The following WDR18 variants were observed in gnomAD, a reference collection of about 807,000 sequenced individuals.
WDR18 encodes the protein WD repeat domain 18.
WDR18 carries 33 observed loss-of-function variants against 49.6 expected under a neutral mutation model. The observed-to-expected ratio is 0.67, with a 90% CI of 0.50 to 0.89. The LOEUF is 0.89. Among genes scored for constraint, WDR18 ranks in the 40% least tolerant of loss-of-function variants. WDR18 has a pLI of 0.00. For synonymous variants in WDR18, 315 were observed against 263.6 expected (o/e 1.19, Z -1.89); for missense variants, 653 against 593.6 (o/e 1.10, Z -1.04).
At chr19:987,725 G>A (rs1013471827) in intron 2 of WDR18, among the ~76,000 whole-genome samples, 2 of 151,800 alleles carry the variant, frequency 1.3e-5, no homozygotes, top group African/African-American at 2.4e-5. Flanking sequence ...ATGTGTCATC[G>A]CCCCATGGGG....
In WDR18 at chr19:985,892, C is replaced by G; in HGVS notation, c.238C>G (p.Pro80Ala). Residue 80 changes from proline to alanine, a missense_variant, in exon 2 of 10, where the codon CCC (proline) becomes GCC (alanine). Coordinates refer to ENST00000585809, the MANE Select transcript of WDR18 (RefSeq NM_024100.4). ...CCAGCTCCAGCAGAAGATCATGTGCCCCGGGCCTGTCACCTGTCTGACTGC... is the reference window on the plus strand; with the variant it reads ...CCAGCTCCAGCAGAAGATCATGTGCGCCGGGCCTGTCACCTGTCTGACTGC... ...KDQLQQKIMC[P>A]GPVTCLTASP... 1 of 1,613,950 alleles carries G rather than the reference C, an allele frequency of 6.2e-7. No homozygotes were observed. The highest frequency in any genetic ancestry group is 8.5e-7 in the Non-Finnish European group (1 of 1,179,994).
chr19:992,753 C>T (rs977438311), intron 8 of WDR18, among the ~76,000 whole-genome samples: 4 of 152,196 alleles, frequency 2.6e-5, no homozygotes, highest in Non-Finnish European at 4.4e-5. Flanking sequence ...GGGGTGGGGG[C>T]TGGGGGTTCC....
intron 8 of WDR18, among the ~76,000 whole-genome samples, chr19:992,406 G>A (rs944953900): frequency 6.6e-6 from 1 of 152,244 alleles, no homozygotes; most frequent in African/African-American, 2.4e-5. Flanking sequence ...ATATCTGACA[G>A]TCAGTTAGGT....
chr19:989,900 C>A lies in WDR18; in HGVS notation c.455+5C>A. 2 of 1,600,650 alleles carry A rather than the reference C, an allele frequency of 1.2e-6. No individual in the cohort carries two copies. The highest frequency in any genetic ancestry group is 1.7e-6 in the Non-Finnish European group (2 of 1,173,658). On this transcript the variant is annotated splice_donor_5th_base_variant and intron_variant, in intron 3 of 9. Coordinates refer to ENST00000585809, the MANE Select transcript of WDR18 (RefSeq NM_024100.4). ...GCTGGTTTGGAGCCTCTGCAGGTAG[C>A]GCCTTGCGCACTCAGGCCTGCACCT...
Position 990,994 on chromosome 19 carries a change from G to C in WDR18, c.740G>C (p.Trp247Ser), listed in dbSNP as rs747355133. 3 of 1,607,500 alleles carry C rather than the reference G, an allele frequency of 1.9e-6. No individual in the cohort carries two copies. In the South Asian group the frequency reaches 3.3e-5, roughly 18 times the overall value. Residue 247 changes from tryptophan to serine, a missense_variant and splice_region_variant, in exon 5 of 10, where the codon TGG (tryptophan) becomes TCG (serine). Coordinates refer to ENST00000585809, the MANE Select transcript of WDR18 (RefSeq NM_024100.4). ...GSIFQVDLFTWPGQRERSFHP... is the reference protein window; with the variant it reads ...GSIFQVDLFTSPGQRERSFHP... ...ATCTTCCAGGTCGACCTCTTCACCTGGGTGAGTGCCGCGGTCTGCGGGCTG... is the reference window on the plus strand; with the variant it reads ...ATCTTCCAGGTCGACCTCTTCACCTCGGTGAGTGCCGCGGTCTGCGGGCTG...
chr19:984,247 G>A (rs1180820318), upstream of WDR18: 1 of 1,195,496 alleles, frequency 8.4e-7, no homozygotes, highest in Non-Finnish European at 1.1e-6. Flanking sequence ...GCGCATGCGC[G>A]GGTCGGCCAC....
intron 2 of WDR18, among the ~76,000 whole-genome samples, 178 bp from the exon 3 acceptor site, chr19:989,584 G>T (rs1204691605): frequency 6.6e-6 from 1 of 152,144 alleles, no homozygotes; most frequent in Non-Finnish European, 1.5e-5. Context: ...GCGCGACGAG[G>T]CCCCGCTGTA....
chr19:987,780 G>A (rs2038489469), intron 2 of WDR18, among the ~76,000 whole-genome samples: 1 of 147,678 alleles, frequency 6.8e-6, no homozygotes, highest in African/African-American at 2.5e-5. Flanking sequence ...TCGGGACAGT[G>A]TGCTGGGTGG....
At chr19:991,185 C>A (rs1342993308) in intron 6 of WDR18, 40 bp downstream of exon 6, 26 of 1,461,386 alleles carry the variant, frequency 1.8e-5, no homozygotes, top group African/African-American at 2.3e-5. Context: ...CCAGGCACGT[C>A]CTGTCTGGCA....
At chr19:983,215 T>C (rs1445670985), upstream of WDR18, among the ~76,000 whole-genome samples, 2 of 152,320 alleles carry the variant, frequency 1.3e-5, no homozygotes, top group East Asian at 3.9e-4. Flanking sequence ...GGCCAAGGCC[T>C]AAGCCCAGGT....
intron 8 of WDR18, among the ~76,000 whole-genome samples, chr19:993,375 C>T (rs2038585314): frequency 6.6e-6 from 1 of 152,216 alleles, no homozygotes; most frequent in Non-Finnish European, 1.5e-5. Flanking sequence ...CCAGGCCATG[C>T]CCTCCGGTAA....
At chr19:985,767 C>A (rs1173056676) in intron 1 of WDR18, 98 bp from the exon 2 acceptor site, 2 of 1,105,168 alleles carry the variant, frequency 1.8e-6, no homozygotes, top group Non-Finnish European at 2.7e-6. Context: ...GGTTCTCTGA[C>A]TTAGCCATTG....
At position 991,011 on chromosome 19, in the gene WDR18, T is replaced by C; in HGVS notation, c.741+16T>C. Reference sequence around the variant, plus strand: ...CTTCACCTGGGTGAGTGCCGCGGTCTGCGGGCTGCACCCTGCCCTGGGGCT... The same window carrying C: ...CTTCACCTGGGTGAGTGCCGCGGTCCGCGGGCTGCACCCTGCCCTGGGGCT... On this transcript the variant is annotated intron_variant, in intron 5 of 9. Coordinates refer to ENST00000585809, the MANE Select transcript of WDR18 (RefSeq NM_024100.4). The C allele has an allele frequency of 1.9e-6, 3 of 1,603,164 alleles. No individual in the cohort carries two copies. The highest frequency in any genetic ancestry group is 2.6e-6 in the Non-Finnish European group (3 of 1,174,212).
At position 990,208 on chromosome 19, in the gene WDR18, C is replaced by T. The variant is rs767114854; in HGVS notation, c.456-15C>T. ...CCGCTCCCCGCCTGCTGAGCACCTG[C>T]CCCACCCCGCTCAGCGTGCTGCAGG... On this transcript the variant is annotated splice_polypyrimidine_tract_variant and intron_variant, in intron 3 of 9. Coordinates refer to ENST00000585809, the MANE Select transcript of WDR18 (RefSeq NM_024100.4). 1.3e-6 allele frequency: 2 copies of T among 1,592,018 alleles called. No homozygotes were observed. The highest frequency in any genetic ancestry group is 1.1e-5 in the South Asian group (1 of 90,300).
Position 991,320 on chromosome 19 carries a change from C to G in WDR18, c.900C>G (p.Ser300Arg), listed in dbSNP as rs765481402. ...CCGTGCGCCTCTGGGACGTGCAGAG[C>G]AAGCAGTGCATCCGGACGGTGGCCC... is the stretch of plus-strand genomic sequence containing the variant. ...DETVRLWDVQ[S>R]KQCIRTVALK... Residue 300 changes from serine to arginine, a missense_variant, in exon 7 of 10, where the codon AGC (serine) becomes AGG (arginine). Physicochemically the swap from Ser to Arg is moderately radical, Grantham distance 110. Transcript: ENST00000585809. 6 of 1,558,628 alleles carry G rather than the reference C, an allele frequency of 3.8e-6. No homozygotes were observed. The Admixed American group carries it at 1.2e-4, about 30-fold the overall frequency.
intron 2 of WDR18, among the ~76,000 whole-genome samples, chr19:986,693 C>T (rs1309382717): frequency 6.6e-6 from 1 of 152,204 alleles, no homozygotes; most frequent in Admixed American, 6.5e-5. Flanking sequence ...TGCATTTAGG[C>T]CAGCTTCTCA....
chr19:987,654 T>G (rs926325666), intron 2 of WDR18, among the ~76,000 whole-genome samples: 10 of 152,136 alleles, frequency 6.6e-5, no homozygotes, highest in African/African-American at 2.4e-4. Context: ...CCCCTAACAG[T>G]AGACCTCCTA....
In WDR18 at chr19:990,372, G is replaced by C. The variant is rs763434261; in HGVS notation, c.597+8G>C. 2 of 1,536,374 alleles carry C rather than the reference G, an allele frequency of 1.3e-6. No homozygotes were observed. The highest frequency in any genetic ancestry group is 1.7e-6 in the Non-Finnish European group (2 of 1,148,072). ...CTGGACCAGACGGTGAAGGTACGCCGCCCCCACCCCACCACGGTCCATGAG... is the reference window on the plus strand; with the variant it reads ...CTGGACCAGACGGTGAAGGTACGCCCCCCCCACCCCACCACGGTCCATGAG... On this transcript the variant is annotated splice_region_variant and intron_variant, in intron 4 of 9. Transcript: ENST00000585809.
At chr19:984,287 C>G (rs2038449649), upstream of WDR18, 1 of 1,437,642 alleles carries the variant, frequency 7.0e-7, no homozygotes, top group Non-Finnish European at 9.2e-7. Flanking sequence ...GCCGCTCTGG[C>G]CCGCGTGGGG....
Sources: gnomAD v4.1 joint callset for allele counts (sites outside exome capture counted in the v4.1 genomes callset) on GRCh38, gnomAD v4.1.1 for gene constraint, MANE v1.5 for transcripts, NCBI Gene and HGNC (gene_info 2026-07-23, HGNC 2026-07-21) for gene names.